The following C3orf49 variants were observed in gnomAD, a reference collection of about 807,000 sequenced individuals.
The protein encoded by C3orf49 is chromosome 3 open reading frame 49, also known as putative uncharacterized protein C3orf49.
A neutral mutation model predicts 13.3 loss-of-function variants in C3orf49; 27 were observed. That is an observed-to-expected ratio of 2.02 (90% CI 1.49 to 2.79). The LOEUF (loss-of-function observed/expected upper bound fraction) is 2.79, where lower values mean the gene tolerates loss of function less well. C3orf49 is among the 30% of genes most tolerant of loss of function. The pLI, the probability that C3orf49 is intolerant of heterozygous loss-of-function variation, is 0.00. For missense variants in C3orf49, 242 were observed against 134.2 expected, an observed-to-expected ratio of 1.80 and a Z score of -3.97; for synonymous variants, 87 against 47.6, an observed-to-expected ratio of 1.83 and a Z score of -3.40.
chr3:63,836,765 A>G (rs1381064328), intron 5 of C3orf49, among the ~76,000 whole-genome samples: 1 of 152,022 alleles, frequency 6.6e-6, no homozygotes, highest in East Asian at 1.9e-4. Flanking sequence ...GTTAGTCAAC[A>G]GCAAATTACA....
At chr3:63,827,818 C>T (rs1473431908) in intron 3 of C3orf49, 93 bp downstream of exon 3, 5 of 635,980 alleles carry the variant, frequency 7.9e-6, no homozygotes, top group Non-Finnish European at 2.8e-6. Context: ...ACCATGAGTC[C>T]TCCACAATAA....
At chr3:63,798,360 C>G in the C3orf49 span, among the ~76,000 whole-genome samples, 1 of 152,150 alleles carries the variant, frequency 6.6e-6, no homozygotes, top group African/African-American at 2.4e-5. Context: ...AACTCCACTA[C>G]TTACTGTTGA....
chr3:63,829,168 A>G (rs181309300), intron 3 of C3orf49, among the ~76,000 whole-genome samples: 2 of 152,282 alleles, frequency 1.3e-5, no homozygotes, highest in Non-Finnish European at 2.9e-5. Context: ...TTTGTGTGCT[A>G]GGTTCGTATT....
intron 2 of C3orf49, among the ~76,000 whole-genome samples, chr3:63,824,404 G>A (rs1177409114): frequency 1.3e-5 from 2 of 152,098 alleles, no homozygotes; most frequent in African/African-American, 4.8e-5. Context: ...TACTTTCTAT[G>A]TACTGTGTGA....
At chr3:63,789,867 A>C in the C3orf49 span, among the ~76,000 whole-genome samples, 1 of 151,932 alleles carries the variant, frequency 6.6e-6, no homozygotes, top group African/African-American at 2.4e-5. Flanking sequence ...TTGCCCTTGA[A>C]AGCTTGAGAC....
the C3orf49 span, among the ~76,000 whole-genome samples, chr3:63,780,897 T>G: frequency 9.5e-4 from 144 of 152,360 alleles, 1 homozygote; most frequent in African/African-American, 3.2e-3. Context: ...TAGCCCTTTG[T>G]CAGATAAGTA....
chr3:63,838,715 A>T (rs1329064131), intron 5 of C3orf49, among the ~76,000 whole-genome samples: 1 of 151,808 alleles, frequency 6.6e-6, no homozygotes, highest in African/African-American at 2.4e-5. Flanking sequence ...CAAAGGTGGG[A>T]TTGTTGTTCT....
chr3:63,830,776 C>T (rs1701522212), intron 3 of C3orf49, among the ~76,000 whole-genome samples: 1 of 152,102 alleles, frequency 6.6e-6, no homozygotes, highest in South Asian at 2.1e-4. Flanking sequence ...CCACAACGGC[C>T]CCACACTCTT....
At chr3:63,829,660 T>A (rs1701507971) in intron 3 of C3orf49, among the ~76,000 whole-genome samples, 1 of 152,142 alleles carries the variant, frequency 6.6e-6, no homozygotes, top group South Asian at 2.1e-4. Flanking sequence ...CAGAATGTTC[T>A]CAAAAATATA....
upstream of C3orf49, among the ~76,000 whole-genome samples, chr3:63,816,373 C>T (rs551397064): frequency 1.3e-5 from 2 of 152,128 alleles, no homozygotes; most frequent in South Asian, 4.2e-4. Flanking sequence ...GGTGGATCAC[C>T]TGAGCTCAGG....
chr3:63,810,906 G>A, the C3orf49 span, among the ~76,000 whole-genome samples: 1 of 152,192 alleles, frequency 6.6e-6, no homozygotes, highest in African/African-American at 2.4e-5. Context: ...GAGTGCAGTG[G>A]TGCGATCTCA....
intron 1 of C3orf49, among the ~76,000 whole-genome samples, chr3:63,820,864 T>C (rs1269136444): frequency 6.6e-6 from 1 of 152,078 alleles, no homozygotes; most frequent in Admixed American, 6.6e-5. Flanking sequence ...AAGTCATATA[T>C]GTACATTTTG....
chr3:63,814,647 G>T (rs575010478), upstream of C3orf49, among the ~76,000 whole-genome samples: 13 of 152,202 alleles, frequency 8.5e-5, no homozygotes, highest in East Asian at 2.5e-3. Context: ...TGATCACACA[G>T]GGATAGCTCC....
At chr3:63,845,910 T>C (rs915996252) in intron 6 of C3orf49, among the ~76,000 whole-genome samples, 2 of 152,200 alleles carry the variant, frequency 1.3e-5, no homozygotes, top group Non-Finnish European at 2.9e-5. Context: ...TGCCATTACA[T>C]GGAATGTTCC....
the C3orf49 span, among the ~76,000 whole-genome samples, chr3:63,798,947 G>A: frequency 4.6e-5 from 7 of 152,160 alleles, no homozygotes; most frequent in South Asian, 6.2e-4. Flanking sequence ...TGCATTAATT[G>A]TCTAGTAAGT....
chr3:63,781,222 C>T, the C3orf49 span, among the ~76,000 whole-genome samples: 1 of 150,590 alleles, frequency 6.6e-6, no homozygotes, highest in Non-Finnish European at 1.5e-5. Context: ...AGCCAGTTTT[C>T]CCAGCACCAT....
intron 5 of C3orf49, 195 bp downstream of exon 5, chr3:63,832,039 C>A (rs1467915703): frequency 4.0e-6 from 2 of 495,902 alleles, no homozygotes; most frequent in Admixed American, 7.7e-5. Flanking sequence ...ACTAAAAATA[C>A]AAAAATTATC....
chr3:63,811,996 G>A, the C3orf49 span, among the ~76,000 whole-genome samples: 3 of 152,072 alleles, frequency 2.0e-5, no homozygotes, highest in African/African-American at 7.2e-5. Flanking sequence ...GACAGCTGGT[G>A]TAGAGCACTG....
intron 5 of C3orf49, among the ~76,000 whole-genome samples, chr3:63,835,926 T>C (rs2107117200): frequency 6.6e-6 from 1 of 152,142 alleles, no homozygotes; most frequent in South Asian, 2.1e-4. Flanking sequence ...TTATTCTGTA[T>C]GTGTTTCAGG....
Sources: allele counts gnomAD v4.1 joint callset (sites outside exome capture counted in the v4.1 genomes callset), GRCh38; gene constraint gnomAD v4.1.1; transcripts MANE v1.5; gene names NCBI Gene and HGNC (gene_info 2026-07-23, HGNC 2026-07-21).